VPS13C: variants seen among roughly 807,000 people sequenced by gnomAD.
VPS13C encodes vacuolar protein sorting 13 homolog C.
A neutral mutation model predicts 456.8 loss-of-function variants in VPS13C; 358 were observed. That is an observed-to-expected ratio of 0.78 (90% CI 0.72 to 0.86). The LOEUF is 0.86. VPS13C is among the 40% of genes least tolerant of loss of function. The pLI, the probability that VPS13C is intolerant of heterozygous loss-of-function variation, is 0.00. For synonymous variants in VPS13C, 1,578 were observed against 1,486.7 expected (o/e 1.06, Z -1.41); for missense variants, 4,818 against 4,385.4 (o/e 1.10, Z -2.79).
chr15:61,865,728 TTGTG>T (rs199775604), intron 81 of VPS13C: 10 of 501,404 alleles, frequency 2.0e-5, no homozygotes, highest in East Asian at 1.5e-4. Flanking sequence ...ATATATGTGT[TTGTG>T]TGTATGTATA....
intron 35 of VPS13C, among the ~76,000 whole-genome samples, chr15:61,961,365 C>T (rs181445557): frequency 2.9e-4 from 43 of 149,756 alleles, no homozygotes; most frequent in African/African-American, 9.4e-4. Flanking sequence ...GCACTCCATC[C>T]TGGGTGACAG....
intron 60 of VPS13C, among the ~76,000 whole-genome samples, chr15:61,916,236 C>T (rs992728516): frequency 6.6e-6 from 1 of 152,074 alleles, no homozygotes; most frequent in Non-Finnish European, 1.5e-5. Context: ...TGACTTTGGC[C>T]ATTAGGAGGC....
intron 74 of VPS13C, among the ~76,000 whole-genome samples, chr15:61,878,385 T>A (rs1001329669): frequency 1.3e-5 from 2 of 151,750 alleles, no homozygotes; most frequent in African/African-American, 4.8e-5. Context: ...ATTATCTAGA[T>A]ATGAGTAATC....
chr15:62,041,327 T>C lies in VPS13C; in HGVS notation c.184A>G (p.Ile62Val). 6.2e-7 allele frequency: 1 copy of C among 1,606,882 alleles called. No individual in the cohort carries two copies. The highest frequency in any genetic ancestry group is 2.2e-5 in the East Asian group (1 of 44,624). ...DVPFKVKAGQ[I>V]DKLTLKIPWK... ...AAATGAAGACTAAAGTACTTACCAA[T>C]TTGGCCAGCCTTGACTTTAAAAGGA... Residue 62 changes from isoleucine (I) to valine (V), a missense_variant, in exon 3 of 85, where the codon ATT becomes GTT. By Grantham distance (29) the Ile-to-Val change is conservative. Transcript: ENST00000644861.
intron 73 of VPS13C, among the ~76,000 whole-genome samples, chr15:61,879,907 G>C (rs1895724636): frequency 6.6e-6 from 1 of 151,974 alleles, no homozygotes; most frequent in African/African-American, 2.4e-5. Flanking sequence ...TTTAGCTGAA[G>C]GACTGGTAAA....
chr15:62,056,555 A>G (rs2048807590), intron 1 of VPS13C, among the ~76,000 whole-genome samples: 2 of 152,176 alleles, frequency 1.3e-5, no homozygotes, highest in South Asian at 4.1e-4. Context: ...CCCGCGACTT[A>G]GCAGACCAGG....
At chr15:61,978,549 G>A (rs1256530598) in intron 23 of VPS13C, 77 bp downstream of exon 23, 2 of 1,472,226 alleles carry the variant, frequency 1.4e-6, no homozygotes, top group Non-Finnish European at 1.8e-6. Context: ...TTGATATATA[G>A]GCACACATAT....
chr15:61,873,352 G>C lies in VPS13C; in HGVS notation c.10472C>G (p.Ala3491Gly). ...ITGSVGKGLA[A>G]ITMDKEYQQK... ...CTGATATTCCTTGTCCATTGTAATTGCTGCCAAACCTTTCCCAACAGAACC... is the reference window on the plus strand; with the variant it reads ...CTGATATTCCTTGTCCATTGTAATTCCTGCCAAACCTTTCCCAACAGAACC... The change falls in exon 78 of 85, where the codon GCA becomes GGA. Residue 3491 changes from alanine to glycine, a missense_variant. This residue lies in a region of VPS13C where 4,552 missense variants were observed against 4,130.6 expected (regional missense o/e 1.10). Coordinates refer to ENST00000644861, the MANE Select transcript of VPS13C (RefSeq NM_020821.3). The C allele has an allele frequency of 6.2e-7, 1 of 1,613,560 alleles. No homozygotes were observed. The highest frequency in any genetic ancestry group is 1.3e-5 in the African/African-American group (1 of 74,912).
At chr15:61,882,885 C>G in intron 68 of VPS13C, 149 bp from the exon 69 acceptor site, 1 of 755,442 alleles carries the variant, frequency 1.3e-6, no homozygotes, top group Admixed American at 4.1e-5. Context: ...CAGTTGAGAT[C>G]TCTGAAGCAA....
chr15:61,993,965 T>C (rs953850177), intron 16 of VPS13C, among the ~76,000 whole-genome samples: 2 of 152,094 alleles, frequency 1.3e-5, no homozygotes, highest in Non-Finnish European at 2.9e-5. Flanking sequence ...AAAGCATATA[T>C]ATATATATAT....
At chr15:61,993,879 T>C (rs1046273861) in intron 16 of VPS13C, among the ~76,000 whole-genome samples, 39 of 152,178 alleles carry the variant, frequency 2.6e-4, no homozygotes, top group Non-Finnish European at 5.9e-5. Context: ...ATGTAAGCAC[T>C]GGGAGAAACA....
In VPS13C at chr15:61,907,029, AG is replaced by A; in HGVS notation, c.9105+234del. Reference sequence around the variant, plus strand: ...AATTAATTAAAAAGGTGCTTTACATAGGCAAGATAAAGCAGGTCTATTTTTT... The same window carrying A: ...AATTAATTAAAAAGGTGCTTTACATAGCAAGATAAAGCAGGTCTATTTTTT... On this transcript the variant is annotated intron_variant, in intron 66 of 84. Coordinates refer to ENST00000644861, the MANE Select transcript of VPS13C (RefSeq NM_020821.3). 9.0e-6 allele frequency: 4 copies of A among 445,898 alleles called. No individual in the cohort carries two copies. The South Asian group carries it at 1.0e-4, about 11-fold the overall frequency. The allele number at this position is 445,898 out of a possible 1,614,324, so 27.6% of individuals were successfully genotyped here.
At chr15:62,032,946 AAAATGCTAAAACCTGAAGAATC>A (rs2047867509) in intron 5 of VPS13C, among the ~76,000 whole-genome samples, 1 of 151,778 alleles carries the variant, frequency 6.6e-6, no homozygotes, top group Non-Finnish European at 1.5e-5. Flanking sequence ...GCAGGATGTT[AAAATGCTAAAACCTGAAGAATC>A]AAGTTTTTGG....
chr15:61,859,827 ATGTT>A (rs1283060425), intron 82 of VPS13C, among the ~76,000 whole-genome samples: 1 of 151,872 alleles, frequency 6.6e-6, no homozygotes, highest in Non-Finnish European at 1.5e-5. Context: ...TATTTGTCAT[ATGTT>A]GATGGTTTTT....
intron 9 of VPS13C, among the ~76,000 whole-genome samples, chr15:62,018,860 T>G (rs1281392794): frequency 6.6e-6 from 1 of 152,204 alleles, no homozygotes; most frequent in African/African-American, 2.4e-5. Context: ...TCAGAAGGAA[T>G]GGTACCAGCT....
At chr15:62,043,067 A>T (rs2048292267) in intron 2 of VPS13C, among the ~76,000 whole-genome samples, 1 of 151,980 alleles carries the variant, frequency 6.6e-6, no homozygotes, top group Non-Finnish European at 1.5e-5. Flanking sequence ...TATTGTCATA[A>T]ATAGAGAAAA....
At position 61,979,734 on chromosome 15, in the gene VPS13C, G is replaced by A. The variant is rs2045816565; in HGVS notation, c.2167-985C>T. The stretch of plus-strand genomic sequence containing the variant: ...CAACTGATTCAGCTTACACAATTCT[G>A]ACTGAAAAATTAAAGCTGAGCAAAC... On this transcript the variant is annotated intron_variant, in intron 22 of 84. Coordinates refer to ENST00000644861, the MANE Select transcript of VPS13C (RefSeq NM_020821.3). Among the ~76,000 whole-genome samples, 3 of 152,180 alleles carry A rather than the reference G, an allele frequency of 2.0e-5. 1 individual carries two copies. In the South Asian group the frequency reaches 6.2e-4, roughly 32 times the overall value.
chr15:61,963,798 T>A (rs753904904), intron 32 of VPS13C, 37 bp downstream of exon 32: 1 of 1,456,556 alleles, frequency 6.9e-7, no homozygotes, highest in Non-Finnish European at 9.6e-7. Context: ...GAAAAGTTTA[T>A]CTTTTCGCCA....
chr15:61,962,088 G>A (rs891473552), intron 34 of VPS13C, among the ~76,000 whole-genome samples, 195 bp from the exon 35 acceptor site: 2 of 152,046 alleles, frequency 1.3e-5, no homozygotes, highest in Admixed American at 1.3e-4. Flanking sequence ...CTGAGCTAAT[G>A]TTATATGGTT....
Sources: allele counts gnomAD v4.1 joint callset (sites outside exome capture counted in the v4.1 genomes callset), GRCh38; gene constraint gnomAD v4.1.1; regional missense constraint gnomAD v4.1.1; transcripts MANE v1.5; gene names NCBI Gene and HGNC (gene_info 2026-07-23, HGNC 2026-07-21).